SAMD8: variants seen among roughly 807,000 people sequenced by gnomAD.
The protein encoded by SAMD8 is sphingomyelin synthase-related protein 1.
In SAMD8, 20 loss-of-function variants were observed where a neutral mutation model predicts 42.0. The ratio of observed to expected loss-of-function variants is 0.48; its 90% CI spans 0.34 to 0.69. The LOEUF is 0.69. Among genes scored for constraint, SAMD8 ranks in the 30% least tolerant of loss-of-function variants. The pLI is 0.01. For missense variants in SAMD8, 328 were observed against 511.6 expected (o/e 0.64, Z 3.46); for synonymous variants, 162 against 173.0 (o/e 0.94, Z 0.50).
intron 1 of SAMD8, among the ~76,000 whole-genome samples, chr10:75,143,282 G>A (rs1840063640): frequency 6.6e-6 from 1 of 152,168 alleles, no homozygotes; most frequent in Non-Finnish European, 1.5e-5. Flanking sequence ...CTCCAGGCTG[G>A]GTGATAGAGT....
intron 1 of SAMD8, among the ~76,000 whole-genome samples, chr10:75,139,478 G>A (rs755111070): frequency 6.6e-6 from 1 of 152,110 alleles, no homozygotes; most frequent in African/African-American, 2.4e-5. Flanking sequence ...TTATTGTATA[G>A]TCATACAATG....
At chr10:75,162,148 C>T (rs1247397125) in intron 2 of SAMD8, among the ~76,000 whole-genome samples, 1 of 152,144 alleles carries the variant, frequency 6.6e-6, no homozygotes, top group Non-Finnish European at 1.5e-5. Context: ...CACGTGAGGT[C>T]AGCAGTTTGA....
At chr10:75,107,365 A>G (rs1848580912), upstream of SAMD8, among the ~76,000 whole-genome samples, 1 of 151,234 alleles carries the variant, frequency 6.6e-6, no homozygotes, top group Non-Finnish European at 1.5e-5. Context: ...AAAAAAGGAG[A>G]AAAAAAGTAC....
In SAMD8 at chr10:75,166,397, T is replaced by TAA. The variant is rs34669331; in HGVS notation, c.674+1670_674+1671dup. On this transcript the variant is annotated intron_variant, in intron 3 of 5. Coordinates refer to ENST00000542569, the MANE Select transcript of SAMD8 (RefSeq NM_001174156.2). ...AGATATGTGAGCTTTTGAGATTGCT[T>TAA]AAAAAAAAAAAAAATTGTAGCTTCT... 8.3e-4 allele frequency among the ~76,000 whole-genome samples: 120 copies of TAA among 145,394 alleles called. 1 individual carries two copies. Among genetic ancestry groups the TAA allele is most frequent in the African/African-American group, 2.4e-3 (97 of 40,056 alleles).
chr10:75,108,989 C>A, upstream of SAMD8: 1 of 1,589,482 alleles, frequency 6.3e-7, no homozygotes, highest in Non-Finnish European at 8.6e-7. Context: ...CCCCATGCCC[C>A]TTGGCCAGCT....
At chr10:75,113,273 A>G (rs2134412523) in intron 1 of SAMD8, among the ~76,000 whole-genome samples, 1 of 152,342 alleles carries the variant, frequency 6.6e-6, no homozygotes, top group Middle Eastern at 3.4e-3. Flanking sequence ...ACATGGTTCC[A>G]TGAAGTCTTT....
At chr10:75,162,252 G>A (rs950839420) in intron 2 of SAMD8, among the ~76,000 whole-genome samples, 5 of 152,144 alleles carry the variant, frequency 3.3e-5, no homozygotes, top group African/African-American at 1.2e-4. Context: ...CCAGCAACGC[G>A]GGAGACTGAA....
At chr10:75,148,311 T>C (rs1464512845) in intron 1 of SAMD8, among the ~76,000 whole-genome samples, 3 of 150,282 alleles carry the variant, frequency 2.0e-5, no homozygotes, top group Non-Finnish European at 4.4e-5. Context: ...GGCAGGAGTT[T>C]ATGTGGGTAG....
Position 75,150,846 on chromosome 10 carries a change from TACAG to T in SAMD8, c.321_324del (p.Asp108GlyfsTer15). 1 of 1,614,022 alleles carries T rather than the reference TACAG, an allele frequency of 6.2e-7. No homozygotes were observed. The highest frequency in any genetic ancestry group is 1.1e-5 in the South Asian group (1 of 91,058). ...CCCCTTTCATCAGTGCTCTTCAGAGTACAGACTGGCTCTGTAATGGGGAGCTTTC... is the reference window on the plus strand; with the variant it reads ...CCCCTTTCATCAGTGCTCTTCAGAGTACTGGCTCTGTAATGGGGAGCTTTC... On this transcript the variant is annotated frameshift_variant, in exon 2 of 6. Transcript: ENST00000542569. LOFTEE classifies it high-confidence loss of function.
At chr10:75,141,283 G>A (rs540986559) in intron 1 of SAMD8, among the ~76,000 whole-genome samples, 5 of 151,976 alleles carry the variant, frequency 3.3e-5, no homozygotes, top group Admixed American at 2.6e-4. Context: ...GAGCCTGGGA[G>A]GTGGAGGTTG....
intron 1 of SAMD8, among the ~76,000 whole-genome samples, chr10:75,143,573 A>G (rs1016916553): frequency 6.6e-6 from 1 of 150,956 alleles, no homozygotes; most frequent in Non-Finnish European, 1.5e-5. Flanking sequence ...TTTTTCTTTC[A>G]GTACTTTATG....
At chr10:75,108,001 T>A, upstream of SAMD8, 1 of 1,612,202 alleles carries the variant, frequency 6.2e-7, no homozygotes, top group Non-Finnish European at 8.5e-7. Context: ...CCCCCAGGCG[T>A]GTTGAGGGCA....
chr10:75,108,101 G>A (rs1848626487), upstream of SAMD8: 2 of 1,613,740 alleles, frequency 1.2e-6, no homozygotes, highest in Admixed American at 1.7e-5. Flanking sequence ...AGCTCACACT[G>A]CTGCCGTAGA....
intron 4 of SAMD8, among the ~76,000 whole-genome samples, chr10:75,173,644 G>A (rs763143146): frequency 6.6e-6 from 1 of 152,060 alleles, no homozygotes; most frequent in Non-Finnish European, 1.5e-5. Context: ...TGTTCATAGC[G>A]ATCACAGAAG....
At chr10:75,138,613 A>T (rs912025026) in intron 1 of SAMD8, among the ~76,000 whole-genome samples, 1 of 152,228 alleles carries the variant, frequency 6.6e-6, no homozygotes, top group African/African-American at 2.4e-5. Flanking sequence ...AAGTATGGAT[A>T]TAAGAATATA....
intron 2 of SAMD8, among the ~76,000 whole-genome samples, chr10:75,156,567 A>G (rs912023239): frequency 6.6e-6 from 1 of 152,176 alleles, no homozygotes; most frequent in African/African-American, 2.4e-5. Flanking sequence ...TAGTAGCATC[A>G]CAGTGGGACA....
intron 2 of SAMD8, among the ~76,000 whole-genome samples, chr10:75,161,199 C>G (rs1840550206): frequency 1.3e-5 from 2 of 152,154 alleles, no homozygotes; most frequent in Non-Finnish European, 1.5e-5. Context: ...ACAGAGCTGC[C>G]ATGTTTTAAA....
At chr10:75,124,809 C>T (rs200134445) in intron 1 of SAMD8, among the ~76,000 whole-genome samples, 2 of 144,998 alleles carry the variant, frequency 1.4e-5, no homozygotes, top group African/African-American at 5.1e-5. Context: ...TTCTTTTTTT[C>T]TTTTTTTTTT....
intron 1 of SAMD8, among the ~76,000 whole-genome samples, chr10:75,121,170 A>G (rs1220011921): frequency 6.6e-6 from 1 of 152,198 alleles, no homozygotes. Flanking sequence ...CAACAAGCCT[A>G]TGAAGTAGGA....
Sources: allele counts gnomAD v4.1 joint callset (sites outside exome capture counted in the v4.1 genomes callset), GRCh38; gene constraint gnomAD v4.1.1; transcripts MANE v1.5; gene names NCBI Gene and HGNC (gene_info 2026-07-23, HGNC 2026-07-21).